LOC128462377: variants seen among roughly 807,000 people sequenced by gnomAD.
the LOC128462377 span, among the ~76,000 whole-genome samples, chr16:89,364,389 CAATAGGT>C: frequency 1.3e-5 from 2 of 152,202 alleles, no homozygotes; most frequent in Non-Finnish European, 2.9e-5. Context: ...TCTTACACCG[CAATAGGT>C]AACTGAAACA....
chr16:89,358,166 T>G, the LOC128462377 span, among the ~76,000 whole-genome samples: 1 of 152,192 alleles, frequency 6.6e-6, no homozygotes, highest in Non-Finnish European at 1.5e-5. Context: ...CACGTGGCTT[T>G]GCTAGAATGC....
the LOC128462377 span, among the ~76,000 whole-genome samples, chr16:89,383,441 C>T: frequency 2.6e-5 from 4 of 152,190 alleles, no homozygotes; most frequent in South Asian, 2.1e-4. Context: ...TTCAGAAAGG[C>T]GCTGTATCTA....
At chr16:89,415,954 C>T in the LOC128462377 span, among the ~76,000 whole-genome samples, 1 of 151,970 alleles carries the variant, frequency 6.6e-6, no homozygotes, top group Non-Finnish European at 1.5e-5. Context: ...TCAGCAGGGC[C>T]TCTCTGTAGC....
chr16:89,355,812 G>A, the LOC128462377 span, among the ~76,000 whole-genome samples: 1 of 152,160 alleles, frequency 6.6e-6, no homozygotes, highest in African/African-American at 2.4e-5. Context: ...GGCGGTTCAC[G>A]GCAAGGGTCT....
At chr16:89,317,864 G>A in the LOC128462377 span, among the ~76,000 whole-genome samples, 1 of 152,148 alleles carries the variant, frequency 6.6e-6, no homozygotes, top group South Asian at 2.1e-4. Flanking sequence ...TTCCTAGATA[G>A]CCAAGGGCTC....
chr16:89,390,724 G>C, the LOC128462377 span, among the ~76,000 whole-genome samples: 3 of 152,174 alleles, frequency 2.0e-5, no homozygotes, highest in East Asian at 5.8e-4. Context: ...GCACCCGTAA[G>C]TCCTGCAGAA....
At chr16:89,362,340 AG>A in the LOC128462377 span, among the ~76,000 whole-genome samples, 1 of 152,222 alleles carries the variant, frequency 6.6e-6, no homozygotes, top group Non-Finnish European at 1.5e-5. Flanking sequence ...CACCTTGCAC[AG>A]CCCGCAGTCC....
At chr16:89,361,082 A>C in the LOC128462377 span, among the ~76,000 whole-genome samples, 1 of 152,090 alleles carries the variant, frequency 6.6e-6, no homozygotes, top group African/African-American at 2.4e-5. Flanking sequence ...CTGCAATGGC[A>C]CCTCCTACTC....
At chr16:89,344,413 C>A in the LOC128462377 span, among the ~76,000 whole-genome samples, 1 of 152,184 alleles carries the variant, frequency 6.6e-6, no homozygotes, top group African/African-American at 2.4e-5. Context: ...ACTCCAGACC[C>A]CGTCAGGGCC....
At chr16:89,368,364 T>C in the LOC128462377 span, among the ~76,000 whole-genome samples, 1 of 129,216 alleles carries the variant, frequency 7.7e-6, no homozygotes, top group African/African-American at 3.1e-5. Context: ...GCCTGGCTAA[T>C]TTTTGTGTTT....
chr16:89,403,438 G>A, the LOC128462377 span, among the ~76,000 whole-genome samples: 5 of 152,070 alleles, frequency 3.3e-5, no homozygotes, highest in Admixed American at 6.5e-5. Context: ...CCCAAGTCCC[G>A]AGGAAGTTTC....
chr16:89,402,766 G>A, the LOC128462377 span, among the ~76,000 whole-genome samples: 1 of 146,234 alleles, frequency 6.8e-6, no homozygotes, highest in South Asian at 2.2e-4. Flanking sequence ...AGGGTGAGGT[G>A]AGGGGACAGC....
At chr16:89,332,551 G>T in the LOC128462377 span, among the ~76,000 whole-genome samples, 15 of 152,226 alleles carry the variant, frequency 9.9e-5, no homozygotes, top group African/African-American at 3.6e-4. Context: ...TCTATAAAAT[G>T]AGGACAAGAA....
At chr16:89,322,694 G>T in the LOC128462377 span, among the ~76,000 whole-genome samples, 2 of 152,240 alleles carry the variant, frequency 1.3e-5, no homozygotes, top group African/African-American at 4.8e-5. Flanking sequence ...GGGGAAGGGG[G>T]AGTGAGGAGG....
chr16:89,326,527 T>C, the LOC128462377 span, among the ~76,000 whole-genome samples: 1 of 152,098 alleles, frequency 6.6e-6, no homozygotes, highest in South Asian at 2.1e-4. Context: ...GGGGGGTCAT[T>C]TGGGCCCAAG....
At chr16:89,371,654 G>A in the LOC128462377 span, among the ~76,000 whole-genome samples, 1 of 152,144 alleles carries the variant, frequency 6.6e-6, no homozygotes, top group East Asian at 1.9e-4. Flanking sequence ...GGGTGTGGAG[G>A]GCGATGCAGA....
At chr16:89,395,991 T>C in the LOC128462377 span, 2 of 152,148 alleles carry the variant, frequency 1.3e-5, no homozygotes, top group African/African-American at 4.8e-5. Flanking sequence ...GAAGCACCAA[T>C]CTTCAGTCAA....
chr16:89,363,929 T>G, the LOC128462377 span, among the ~76,000 whole-genome samples: 13 of 152,054 alleles, frequency 8.5e-5, no homozygotes, highest in Non-Finnish European at 1.8e-4. Flanking sequence ...TATGATGGCA[T>G]ACATGCCTGC....
the LOC128462377 span, among the ~76,000 whole-genome samples, chr16:89,349,877 C>A: frequency 2.8e-4 from 28 of 100,182 alleles, no homozygotes; most frequent in Non-Finnish European, 5.7e-4. Context: ...CACACACACA[C>A]ACACACACAC....
Sources: gnomAD v4.1 joint callset for allele counts (sites outside exome capture counted in the v4.1 genomes callset) on GRCh38, gnomAD v4.1.1 for gene constraint, MANE v1.5 for transcripts.